ADAM21: variants seen among roughly 807,000 people sequenced by gnomAD.
ADAM21 encodes the protein ADAM metallopeptidase domain 21, also known as disintegrin and metalloproteinase domain-containing protein 21.
For missense variants in ADAM21, 678 were observed against 874.4 expected (o/e 0.78, Z 2.83); for synonymous variants, 262 against 306.0 (o/e 0.86, Z 1.50).
At position 70,457,494 on chromosome 14, in the gene ADAM21, T is replaced by G; in HGVS notation, c.-6T>G. On this transcript the variant is annotated 5_prime_UTR_variant, in exon 2 of 2. Coordinates refer to ENST00000603540, the MANE Select transcript of ADAM21 (RefSeq NM_003813.4). ...GGACAGATGGCTCCATAACGACAGC[T>G]TCATAATGGCAGTGGATGGGACCCT... 1 of 1,605,746 alleles carries G rather than the reference T, an allele frequency of 6.2e-7. No individual in the cohort carries two copies. The highest frequency in any genetic ancestry group is 8.5e-7 in the Non-Finnish European group (1 of 1,175,446).
intron 1 of ADAM21, among the ~76,000 whole-genome samples, chr14:70,456,070 T>C (rs1882396106): frequency 6.6e-6 from 1 of 152,190 alleles, no homozygotes; most frequent in African/African-American, 2.4e-5. Context: ...TTTCTACACA[T>C]GCTCAGTGCT....
intron 1 of ADAM21, among the ~76,000 whole-genome samples, chr14:70,456,489 G>A (rs1353076155): frequency 6.6e-6 from 1 of 152,102 alleles, no homozygotes; most frequent in African/African-American, 2.4e-5. Context: ...AATGGTTTTT[G>A]CCCTAATAAG....
At position 70,459,019 on chromosome 14, in the gene ADAM21, G is replaced by A. The variant is rs143741959; in HGVS notation, c.1520G>A (p.Cys507Tyr). 10 of 1,613,910 alleles carry A rather than the reference G, an allele frequency of 6.2e-6. No homozygotes were observed. Among genetic ancestry groups the A allele is most frequent in the Admixed American group, 5.0e-5 (3 of 60,000 alleles). The change falls in exon 2 of 2, where the codon TGT (cysteine) becomes TAT (tyrosine). Residue 507 changes from cysteine to tyrosine, a missense_variant. Transcript: ENST00000603540. ...AGTGCCTACTGCTATCAAAAGAGGT[G>A]TAATAACCATGACCAGCATTGCAGG... is the stretch of plus-strand genomic sequence containing the variant. ...SDSAYCYQKRCNNHDQHCREI... is the reference protein window; with the variant it reads ...SDSAYCYQKRYNNHDQHCREI...
rs778654692 is a variant in ADAM21 at position 70,459,286 on chromosome 14, AT to A, written c.1790del (p.Leu597Ter). The A allele has an allele frequency of 6.2e-7, 1 of 1,614,204 alleles. No homozygotes were observed. Among genetic ancestry groups the A allele is most frequent in the Non-Finnish European group, 8.5e-7 (1 of 1,180,026 alleles). ...GTCACCTGCTGGGGTATTGACTATC[AT>A]TTAAGGATGAACATATCTGACATTG... ...NGVTCWGIDYHLRMNISDIGE... is the reference protein window; with the variant it reads ...NGVTCWGIDYXLRMNISDIGE... On this transcript the variant is annotated frameshift_variant, in exon 2 of 2. Coordinates refer to ENST00000603540, the MANE Select transcript of ADAM21 (RefSeq NM_003813.4). LOFTEE classifies it low-confidence loss of function (END_TRUNC).
At position 70,459,799 on chromosome 14, in the gene ADAM21, A is replaced by G. The variant is rs538403563; in HGVS notation, c.*131A>G. 295 of 1,066,700 alleles carry G rather than the reference A, an allele frequency of 2.8e-4. No individual in the cohort carries two copies. Among genetic ancestry groups the G allele is most frequent in the Non-Finnish European group, 3.6e-4 (269 of 739,812 alleles). 66.1% of individuals were successfully genotyped at this position (1,066,700 alleles called of 1,614,324 possible). The stretch of plus-strand genomic sequence containing the variant: ...GAAAGCTGCAAAGATCTTCCCTTAC[A>G]TTAGTACCACAAACATTGTCATTAA... On this transcript the variant is annotated 3_prime_UTR_variant, in exon 2 of 2. Transcript: ENST00000603540.
In ADAM21 at chr14:70,458,702, G is replaced by A. The variant is rs779536594; in HGVS notation, c.1203G>A (p.Gly401=). Residue 401 remains glycine (G), a synonymous_variant, in exon 2 of 2, where the codon GGG becomes GGA. Transcript: ENST00000603540. ...GSCLHNPPRL[G]EIFMLKRCGN... ...GTCTGCATAATCCTCCAAGATTGGGGGAAATCTTTATGCTAAAGCGCTGTG... is the reference window on the plus strand; with the variant it reads ...GTCTGCATAATCCTCCAAGATTGGGAGAAATCTTTATGCTAAAGCGCTGTG... 3.1e-6 allele frequency: 5 copies of A among 1,614,046 alleles called. No homozygotes were observed. In the South Asian group the frequency reaches 4.4e-5, roughly 14 times the overall value.
At position 70,458,338 on chromosome 14, in the gene ADAM21, C is replaced by T. The variant is rs1311618320; in HGVS notation, c.839C>T (p.Ser280Phe). The change falls in exon 2 of 2, where the codon TCT becomes TTT. Residue 280 changes from serine (S) to phenylalanine (F), a missense_variant. Physicochemically the swap from Ser to Phe is radical, Grantham distance 155 (BLOSUM62 -2). Transcript: ENST00000603540. ...ATAGAACAGGTCCTGAACGATTTCT[C>T]TCAATGGAAACAAATCAGTCTTTCC... ...TSIEQVLNDF[S>F]QWKQISLSQL... 6.2e-7 allele frequency: 1 copy of T among 1,614,164 alleles called. No individual in the cohort carries two copies. Among genetic ancestry groups the T allele is most frequent in the Admixed American group, 1.7e-5 (1 of 60,024 alleles).
In ADAM21 at chr14:70,457,662, G is replaced by C; in HGVS notation, c.163G>C (p.Ala55Pro). 2 of 1,613,872 alleles carry C rather than the reference G, an allele frequency of 1.2e-6. No homozygotes were observed. The highest frequency in any genetic ancestry group is 2.2e-5 in the South Asian group (2 of 91,016). ...GAAGGTGATCAGCAGGGGCAGAAGT[G>C]CAAAGGCTCCTGGATGGCTCTCCTA... The part of the protein sequence containing the change: ...PLKVISRGRS[A>P]KAPGWLSYSL... Residue 55 changes from alanine to proline, a missense_variant, in exon 2 of 2, where the codon GCA becomes CCA. By Grantham distance (27) the Ala-to-Pro change is conservative (BLOSUM62 -1). Coordinates refer to ENST00000603540, the MANE Select transcript of ADAM21 (RefSeq NM_003813.4).
rs59458224 is a variant in ADAM21 at position 70,459,856 on chromosome 14, T to C, written c.*188T>C. ...GTTATTCTTAACATGTTTCTATCTA[T>C]TGTTTATTGTTTTAAGCAGCAAATA... On this transcript the variant is annotated 3_prime_UTR_variant, in exon 2 of 2. Coordinates refer to ENST00000603540, the MANE Select transcript of ADAM21 (RefSeq NM_003813.4). 0.41 allele frequency: 288,191 copies of C among 699,844 alleles called. 60,240 individuals are homozygous for C. The highest frequency in any genetic ancestry group is 0.5 in the Middle Eastern group (1,206 of 2,404). 43.4% of individuals were successfully genotyped at this position (699,844 alleles called of 1,614,324 possible). A position where few individuals can be genotyped will look rare whatever the true frequency, so the allele number is the denominator to read the frequency against.
intron 1 of ADAM21, among the ~76,000 whole-genome samples, chr14:70,452,682 G>T (rs1889055007): frequency 6.6e-6 from 1 of 152,198 alleles, no homozygotes; most frequent in Non-Finnish European, 1.5e-5. Flanking sequence ...CATTTTTAAA[G>T]ATATGAGTGA....
Position 70,452,255 on chromosome 14 carries a change from C to T in ADAM21, c.-160C>T, listed in dbSNP as rs1395490985. 1 of 152,220 alleles carries T rather than the reference C, an allele frequency of 6.6e-6. No homozygotes were observed. Among genetic ancestry groups the T allele is most frequent in the Non-Finnish European group, 1.5e-5 (1 of 68,058 alleles). The allele number at this position is 152,220 out of a possible 1,614,324, so 9.4% of individuals were successfully genotyped here. Reference sequence around the variant, plus strand: ...GAAATGGCCATGGAAACTACTGTTTCTTCTGATGGTAAGTCATTCATAAAG... The same window carrying T: ...GAAATGGCCATGGAAACTACTGTTTTTTCTGATGGTAAGTCATTCATAAAG... On this transcript the variant is annotated 5_prime_UTR_variant, in exon 1 of 2. Coordinates refer to ENST00000603540, the MANE Select transcript of ADAM21 (RefSeq NM_003813.4).
Position 70,459,362 on chromosome 14 carries a change from T to C in ADAM21, c.1863T>C (p.His621=), listed in dbSNP as rs1201469588. 3 of 1,614,106 alleles carry C rather than the reference T, an allele frequency of 1.9e-6. No homozygotes were observed. The highest frequency in any genetic ancestry group is 2.7e-5 in the African/African-American group (2 of 74,944). Residue 621 remains histidine (H), a synonymous_variant, in exon 2 of 2, where the codon CAT becomes CAC. Transcript: ENST00000603540. ...TVCGPGKICI[H]KKCVSLSVLS... Reference sequence around the variant, plus strand: ...GTGGCCCAGGAAAGATCTGCATCCATAAGAAGTGTGTCAGTCTGTCTGTCT... The same window carrying C: ...GTGGCCCAGGAAAGATCTGCATCCACAAGAAGTGTGTCAGTCTGTCTGTCT...
In ADAM21 at chr14:70,457,923, A is replaced by C. The variant is rs757692281; in HGVS notation, c.424A>C (p.Thr142Pro). 1.2e-6 allele frequency: 2 copies of C among 1,614,092 alleles called. No individual in the cohort carries two copies. The highest frequency in any genetic ancestry group is 1.7e-6 in the Non-Finnish European group (2 of 1,180,020). ...AGGAGTATTAAAAATAAGTGGCCTC[A>C]CTTATGAAATTGAACCCATCAGGCA... ...FRGVLKISGL[T>P]YEIEPIRHSA... is the part of the protein sequence containing the mutation. Residue 142 changes from threonine to proline, a missense_variant, in exon 2 of 2, where the codon ACT becomes CCT. Coordinates refer to ENST00000603540, the MANE Select transcript of ADAM21 (RefSeq NM_003813.4).
At position 70,458,449 on chromosome 14, in the gene ADAM21, G is replaced by A. The variant is rs147193971; in HGVS notation, c.950G>A (p.Arg317His). The change falls in exon 2 of 2, where the codon CGT (arginine) becomes CAT (histidine). Residue 317 changes from arginine to histidine, a missense_variant. Physicochemically the swap from Arg to His is conservative, Grantham distance 29 (BLOSUM62 0). Transcript: ENST00000603540. ...CTAGCCTATGTTGCAGGAATATGTC[G>A]TCCACCTATTGATTGTGGAGTTGAT... ...LGLAYVAGIC[R>H]PPIDCGVDNF... 1.1e-4 allele frequency: 176 copies of A among 1,614,024 alleles called. No homozygotes were observed. The highest frequency in any genetic ancestry group is 3.3e-4 in the South Asian group (30 of 91,076).
Position 70,457,997 on chromosome 14 carries a change from ACAATTCCCAG to A in ADAM21, c.500_509del (p.Gln167LeufsTer2), listed in dbSNP as rs765668004. On this transcript the variant is annotated frameshift_variant, in exon 2 of 2. Transcript: ENST00000603540. LOFTEE classifies it low-confidence loss of function (END_TRUNC). ...TTTATAAGATAAACAGTAATGAGACACAATTCCCAGCTATGAGATGTGGCTTAACAGAGAA... is the reference window on the plus strand; with the variant it reads ...TTTATAAGATAAACAGTAATGAGACACTATGAGATGTGGCTTAACAGAGAA... 6.2e-7 allele frequency: 1 copy of A among 1,612,646 alleles called. No individual in the cohort carries two copies. The highest frequency in any genetic ancestry group is 1.3e-5 in the African/African-American group (1 of 74,682).
rs774469111 is a variant in ADAM21 at position 70,458,748 on chromosome 14, G to A, written c.1249G>A (p.Glu417Lys). ...KRCGNGVVER[E>K]EQCDCGSVQQ... The stretch of plus-strand genomic sequence containing the variant: ...CTGTGGGAATGGTGTGGTTGAAAGA[G>A]AAGAGCAGTGTGACTGTGGATCCGT... Residue 417 changes from glutamate to lysine, a missense_variant, in exon 2 of 2, where the codon GAA (glutamate) becomes AAA (lysine). Transcript: ENST00000603540. 7 of 1,614,048 alleles carry A rather than the reference G, an allele frequency of 4.3e-6. No homozygotes were observed. The highest frequency in any genetic ancestry group is 4.5e-5 in the East Asian group (2 of 44,898).
rs1882451554 is a variant in ADAM21 at position 70,458,145 on chromosome 14, G to A, written c.646G>A (p.Val216Met). Residue 216 changes from valine (V) to methionine (M), a missense_variant, in exon 2 of 2, where the codon GTG becomes ATG. Coordinates refer to ENST00000603540, the MANE Select transcript of ADAM21 (RefSeq NM_003813.4). The stretch of plus-strand genomic sequence containing the variant: ...ATGGTTTCTGGAGCTAGTTGTTGTG[G>A]TGAACCATGATTTCTTCATTTACTC... ...HAWFLELVVV[V>M]NHDFFIYSQS... is the part of the protein sequence containing the mutation. 2.5e-6 allele frequency: 4 copies of A among 1,613,672 alleles called. No individual in the cohort carries two copies. The highest frequency in any genetic ancestry group is 1.3e-5 in the African/African-American group (1 of 74,840).
At position 70,459,243 on chromosome 14, in the gene ADAM21, C is replaced by A. The variant is rs766359291; in HGVS notation, c.1744C>A (p.His582Asn). ...TCTCCAAGATCATTTTACTTTGCAG[C>A]ACACTCATATCAATGGTGTCACCTG... ...PLLQDHFTLQ[H>N]THINGVTCWG... Residue 582 changes from histidine (H) to asparagine (N), a missense_variant, in exon 2 of 2, where the codon CAC becomes AAC. By Grantham distance (68) the His-to-Asn change is moderately conservative. Coordinates refer to ENST00000603540, the MANE Select transcript of ADAM21 (RefSeq NM_003813.4). 1 of 1,614,092 alleles carries A rather than the reference C, an allele frequency of 6.2e-7. No individual in the cohort carries two copies. The highest frequency in any genetic ancestry group is 8.5e-7 in the Non-Finnish European group (1 of 1,180,020).
At chr14:70,456,604 G>A (rs1191865905) in intron 1 of ADAM21, among the ~76,000 whole-genome samples, 3 of 152,192 alleles carry the variant, frequency 2.0e-5, no homozygotes, top group South Asian at 2.1e-4. Context: ...TAACTGGAGA[G>A]AACAACATTA....
Sources: gnomAD v4.1 joint callset for allele counts (sites outside exome capture counted in the v4.1 genomes callset) on GRCh38, gnomAD v4.1.1 for gene constraint, MANE v1.5 for transcripts, NCBI Gene and HGNC (gene_info 2026-07-23, HGNC 2026-07-21) for gene names.